The following PIAS1 variants were observed in gnomAD, a reference collection of about 807,000 sequenced individuals.
The protein encoded by PIAS1 is E3 SUMO-protein ligase PIAS1.
A neutral mutation model predicts 71.3 loss-of-function variants in PIAS1; 6 were observed. The observed-to-expected ratio is 0.08, with a 90% CI of 0.05 to 0.17. The LOEUF (loss-of-function observed/expected upper bound fraction) is 0.17, where lower values mean the gene tolerates loss of function less well. Among genes scored for constraint, PIAS1 ranks in the 10% least tolerant of loss-of-function variants. The pLI, the probability that PIAS1 is intolerant of heterozygous loss-of-function variation, is 1.00. For synonymous variants in PIAS1, 303 were observed against 292.9 expected, an observed-to-expected ratio of 1.03 and a Z score of -0.35; for missense variants, 555 against 793.6, an observed-to-expected ratio of 0.70 and a Z score of 3.61.
chr15:68,152,039 TCCCAGGCTCACGCCATTCTCCTGC>T lies in PIAS1; in HGVS notation c.829-1541_829-1518del, dbSNP rs1295133256. On this transcript the variant is annotated intron_variant, in intron 6 of 13. Coordinates refer to ENST00000249636, the MANE Select transcript of PIAS1 (RefSeq NM_016166.3). Reference sequence around the variant, plus strand: ...ATCTTGGCTCACTGCAAGCTCTGCCTCCCAGGCTCACGCCATTCTCCTGCCCCAGGCTCCCAAGTAGCTGGGACT... The same window carrying T: ...ATCTTGGCTCACTGCAAGCTCTGCCTCCCAGGCTCCCAAGTAGCTGGGACT... 3.8e-5 allele frequency among the ~76,000 whole-genome samples: 5 copies of T among 131,056 alleles called. No homozygotes were observed. The South Asian group carries it at 1.1e-3, about 29-fold the overall frequency. The allele number at this position is 131,056 out of a possible 152,430, so 86.0% of individuals were successfully genotyped here. A position where few individuals can be genotyped will look rare whatever the true frequency, so the allele number is the denominator to read the frequency against.
intron 2 of PIAS1, among the ~76,000 whole-genome samples, chr15:68,130,304 G>T (rs2092681230): frequency 6.6e-6 from 1 of 151,852 alleles, no homozygotes; most frequent in African/African-American, 2.4e-5. Context: ...ATAGAAAGTA[G>T]ATTTAAATCA....
rs189359884 is a variant in PIAS1 at position 68,063,445 on chromosome 15, C to T, written c.24+9095C>T. On this transcript the variant is annotated intron_variant, in intron 1 of 13. Coordinates refer to ENST00000249636, the MANE Select transcript of PIAS1 (RefSeq NM_016166.3). ...ACCCAAGAAGGGGACTGAAGAGGCA[C>T]AGAACTGGCTCAGAAACTGGCTTAT... Among the ~76,000 whole-genome samples, 397 of 152,192 alleles carry T rather than the reference C, an allele frequency of 2.6e-3. 2 individuals carry two copies. The highest frequency in any genetic ancestry group is 4.3e-3 in the Non-Finnish European group (290 of 68,008).
rs1595806780 is a variant in PIAS1 at position 68,193,046 on chromosome 15, G to GT, written c.*5215dup. 6.6e-6 allele frequency: 1 copy of GT among 152,248 alleles called. No homozygotes were observed. The highest frequency in any genetic ancestry group is 6.5e-5 in the Admixed American group (1 of 15,288). 9.4% of individuals were successfully genotyped at this position (152,248 alleles called of 1,614,324 possible). Reference sequence around the variant, plus strand: ...CAGAAAGCCTAGTGCTCCTACTACTGTTTTCCAGGGCTGTTGTACCCTGGC... The same window carrying GT: ...CAGAAAGCCTAGTGCTCCTACTACTGTTTTTCCAGGGCTGTTGTACCCTGGC... On this transcript the variant is annotated 3_prime_UTR_variant, in exon 14 of 14. Transcript: ENST00000249636.
chr15:68,144,136 A>G, intron 4 of PIAS1, among the ~76,000 whole-genome samples: 1 of 147,734 alleles, frequency 6.8e-6, no homozygotes. Flanking sequence ...AAAAAAAAAA[A>G]GAACCATGTT....
chr15:68,098,912 CATCTAAATATTTTT>C (rs2092400391), intron 2 of PIAS1, among the ~76,000 whole-genome samples: 3 of 152,056 alleles, frequency 2.0e-5, no homozygotes, highest in African/African-American at 7.2e-5. Context: ...ATAGAAAGTG[CATCTAAATATTTTT>C]TGTAGATGTT....
intron 2 of PIAS1, among the ~76,000 whole-genome samples, chr15:68,089,313 A>G (rs971198742): frequency 2.0e-5 from 3 of 152,224 alleles, no homozygotes; most frequent in East Asian, 1.9e-4. Flanking sequence ...TTCATTGTCC[A>G]TAATTAACTG....
intron 2 of PIAS1, among the ~76,000 whole-genome samples, chr15:68,102,757 T>C (rs1383160229): frequency 1.3e-5 from 2 of 152,200 alleles, no homozygotes; most frequent in African/African-American, 2.4e-5. Context: ...AAGTTTTTTG[T>C]AAATTTGAGG....
chr15:68,110,357 G>C (rs1222289400), intron 2 of PIAS1, among the ~76,000 whole-genome samples: 1 of 152,110 alleles, frequency 6.6e-6, no homozygotes, highest in Non-Finnish European at 1.5e-5. Context: ...CACTTTGGGA[G>C]GCCGAGGTGG....
rs1444351453 is a variant in PIAS1 at position 68,185,371 on chromosome 15, A to C, written c.1662+1704A>C. Among the ~76,000 whole-genome samples the C allele has an allele frequency of 6.6e-6, 1 of 152,228 alleles. No individual in the cohort carries two copies. The highest frequency in any genetic ancestry group is 6.5e-5 in the Admixed American group (1 of 15,284). ...TAGAAGACACTGAAGAAGTTTGTTC[A>C]TGACTTCAAAGAATCTGCTAAGGAT... On this transcript the variant is annotated intron_variant, in intron 13 of 13. Coordinates refer to ENST00000249636, the MANE Select transcript of PIAS1 (RefSeq NM_016166.3). The surrounding 1 kb of genome is among the most constrained non-coding windows in gnomAD (Gnocchi z 4.4).
intron 7 of PIAS1, among the ~76,000 whole-genome samples, chr15:68,158,169 C>A (rs1050608861): frequency 2.0e-5 from 3 of 152,168 alleles, no homozygotes; most frequent in Non-Finnish European, 4.4e-5. Flanking sequence ...AACTTTCCAT[C>A]ATGTGGCACC....
intron 6 of PIAS1, among the ~76,000 whole-genome samples, chr15:68,147,087 A>G (rs1050028798): frequency 5.3e-5 from 8 of 152,216 alleles, no homozygotes; most frequent in African/African-American, 1.7e-4. Context: ...CTTAGTAGCT[A>G]TAACTTTGCA....
chr15:68,173,955 C>A lies in PIAS1; in HGVS notation c.1169+63C>A. ...CCATATATTATCTGGGTTTGTTACA[C>A]ATCAGATTTGGGATGAAAATTCTAA... On this transcript the variant is annotated intron_variant, in intron 9 of 13. Transcript: ENST00000249636. The surrounding 1 kb of genome is among the most constrained non-coding windows in gnomAD (Gnocchi z 4.3). The A allele has an allele frequency of 9.3e-7, 1 of 1,078,800 alleles. No homozygotes were observed. Among genetic ancestry groups the A allele is most frequent in the South Asian group, 3.5e-5 (1 of 28,838 alleles). 66.8% of individuals were successfully genotyped at this position (1,078,800 alleles called of 1,614,324 possible).
intron 2 of PIAS1, among the ~76,000 whole-genome samples, chr15:68,090,569 A>G (rs896543469): frequency 1.3e-5 from 2 of 152,004 alleles, no homozygotes; most frequent in Admixed American, 6.6e-5. Flanking sequence ...TAGCTCTCCA[A>G]CTCGTTTTAA....
chr15:68,126,534 C>T (rs1045739498), intron 2 of PIAS1, among the ~76,000 whole-genome samples: 1 of 152,194 alleles, frequency 6.6e-6, no homozygotes, highest in African/African-American at 2.4e-5. Flanking sequence ...CCTCCACCTC[C>T]CGGATTCAAG....
At chr15:68,181,088 G>C (rs2093051019) in intron 11 of PIAS1, 124 bp from the exon 12 acceptor site, 6 of 705,730 alleles carry the variant, frequency 8.5e-6, no homozygotes, top group Middle Eastern at 2.4e-4. Flanking sequence ...ACATTGCTTT[G>C]CTTGGTTTTG....
At chr15:68,069,522 G>C (rs2092068789) in intron 1 of PIAS1, among the ~76,000 whole-genome samples, 1 of 152,142 alleles carries the variant, frequency 6.6e-6, no homozygotes, top group African/African-American at 2.4e-5. Context: ...TACATTCTAG[G>C]CTGGGCACGG....
intron 2 of PIAS1, among the ~76,000 whole-genome samples, chr15:68,119,440 A>AT (rs906089556): frequency 5.3e-5 from 8 of 150,280 alleles, no homozygotes; most frequent in African/African-American, 2.0e-4. Context: ...GCAAAACTCC[A>AT]TAAAAAAAAA....
intron 2 of PIAS1, among the ~76,000 whole-genome samples, chr15:68,141,657 G>A (rs1289843831): frequency 1.3e-5 from 2 of 151,964 alleles, no homozygotes; most frequent in Non-Finnish European, 2.9e-5. Flanking sequence ...GTGCTCTTTA[G>A]ATGCAAACAT....
At position 68,178,918 on chromosome 15, in the gene PIAS1, G is replaced by A. The variant is rs189137993; in HGVS notation, c.1481+2264G>A. Reference sequence around the variant, plus strand: ...AAATAAATAATGTTTATTATGTTTGGAAAATTACATTAAATGCATTAAGTA... The same window carrying A: ...AAATAAATAATGTTTATTATGTTTGAAAAATTACATTAAATGCATTAAGTA... On this transcript the variant is annotated intron_variant, in intron 11 of 13. Coordinates refer to ENST00000249636, the MANE Select transcript of PIAS1 (RefSeq NM_016166.3). The surrounding 1 kb of genome is among the most constrained non-coding windows in gnomAD (Gnocchi z 4.2). 6.6e-6 allele frequency among the ~76,000 whole-genome samples: 1 copy of A among 152,178 alleles called. No individual in the cohort carries two copies. The highest frequency in any genetic ancestry group is 6.5e-5 in the Admixed American group (1 of 15,284).
Sources: gnomAD v4.1 joint callset for allele counts (sites outside exome capture counted in the v4.1 genomes callset) on GRCh38, gnomAD v4.1.1 for gene constraint, Gnocchi (gnomAD v3.1) non-coding constraint, MANE v1.5 for transcripts, NCBI Gene and HGNC (gene_info 2026-07-23, HGNC 2026-07-21) for gene names.